Variants in GSG1L observed in about 807,000 individuals in gnomAD.
GSG1L encodes the protein GSG1 like, also known as germ cell-specific gene 1-like protein.
GSG1L carries 24 observed loss-of-function variants against 42.1 expected under a neutral mutation model. That is an observed-to-expected ratio of 0.57 (90% confidence interval 0.41 to 0.80). GSG1L has a LOEUF of 0.80. Among genes scored for constraint, GSG1L ranks in the 30% least tolerant of loss-of-function variants. The pLI is 0.00. For missense variants in GSG1L, 445 were observed against 472.2 expected (o/e 0.94, Z 0.53); for synonymous variants, 215 against 203.5 (o/e 1.06, Z -0.48).
intron 2 of GSG1L, among the ~76,000 whole-genome samples, chr16:27,931,221 T>C (rs1383980050): frequency 6.6e-6 from 1 of 152,202 alleles, no homozygotes; most frequent in Non-Finnish European, 1.5e-5. Context: ...TCAGAGCTGC[T>C]AATGAAGGTT....
intron 5 of GSG1L, among the ~76,000 whole-genome samples, chr16:27,812,042 T>C (rs772511999): frequency 6.6e-6 from 1 of 152,180 alleles, no homozygotes; most frequent in African/African-American, 2.4e-5. Context: ...CCTTGGGAAG[T>C]GGGGCCCTGT....
At chr16:27,999,157 A>G (rs1449963058) in intron 1 of GSG1L, among the ~76,000 whole-genome samples, 1 of 152,178 alleles carries the variant, frequency 6.6e-6, no homozygotes, top group East Asian at 1.9e-4. Flanking sequence ...ATAATCAATG[A>G]TTGGGTCAGG....
intron 1 of GSG1L, among the ~76,000 whole-genome samples, chr16:27,986,397 G>A (rs1216188591): frequency 1.3e-5 from 2 of 151,968 alleles, no homozygotes; most frequent in African/African-American, 2.4e-5. Flanking sequence ...CTACTTGGGA[G>A]GCTGAGGCAG....
chr16:28,008,880 A>C (rs879706273), intron 1 of GSG1L, among the ~76,000 whole-genome samples: 17 of 151,964 alleles, frequency 1.1e-4, no homozygotes, highest in Non-Finnish European at 1.8e-4. Flanking sequence ...GGGATTTCGG[A>C]CCACTGCAAC....
In GSG1L at chr16:28,063,206, G is replaced by T. The variant is rs1434336909; in HGVS notation, c.219C>A (p.Ala73=). The T allele has an allele frequency of 4.8e-6, 6 of 1,259,448 alleles. No individual in the cohort carries two copies. Among genetic ancestry groups the T allele is most frequent in the Non-Finnish European group, 6.0e-6 (6 of 1,006,136 alleles). 78.0% of individuals were successfully genotyped at this position (1,259,448 alleles called of 1,614,324 possible). A position where few individuals can be genotyped will look rare whatever the true frequency, so the allele number is the denominator to read the frequency against. Residue 73 remains alanine, a synonymous_variant, in exon 1 of 7, where the codon GCC becomes GCA. Coordinates refer to ENST00000447459, the MANE Select transcript of GSG1L (RefSeq NM_001109763.2). This position sits in a 1 kb window ranked among gnomAD's most constrained non-coding sequence, Gnocchi z 5.8. The part of the protein sequence containing the change: ...GTAAPAAAAA[A]ATASGNGPPG... ...GGGGGCCGTTCCCCGAGGCGGTGGC[G>T]GCGGCGGCGGCGGCGGCGGGGGCGG...
At chr16:27,948,989 C>T (rs989168587) in intron 2 of GSG1L, among the ~76,000 whole-genome samples, 15 of 151,242 alleles carry the variant, frequency 9.9e-5, no homozygotes, top group Admixed American at 7.2e-4. Flanking sequence ...TCAATCATGG[C>T]TCACTACAGC....
At chr16:27,797,652 C>T (rs916325201) in intron 6 of GSG1L, among the ~76,000 whole-genome samples, 3 of 151,368 alleles carry the variant, frequency 2.0e-5, no homozygotes, top group South Asian at 2.1e-4. Context: ...GAAACCCCAT[C>T]TCTCCTAAAA....
At chr16:27,794,571 T>A (rs1640911409) in intron 6 of GSG1L, among the ~76,000 whole-genome samples, 1 of 152,106 alleles carries the variant, frequency 6.6e-6, no homozygotes, top group African/African-American at 2.4e-5. Context: ...GACCTCGTGA[T>A]CCACCCGCCT....
chr16:28,043,812 A>G (rs1234299913), intron 1 of GSG1L, among the ~76,000 whole-genome samples: 1 of 152,140 alleles, frequency 6.6e-6, no homozygotes, highest in African/African-American at 2.4e-5. Flanking sequence ...GCCTGAGCCC[A>G]GGAGTTCGAG....
intron 1 of GSG1L, among the ~76,000 whole-genome samples, chr16:27,984,662 T>C (rs1410467942): frequency 6.6e-6 from 1 of 152,034 alleles, no homozygotes; most frequent in African/African-American, 2.4e-5. Flanking sequence ...GTTTCTGGCA[T>C]TTTTTTTCAG....
At chr16:27,863,323 T>TGACATG (rs1488378820) in intron 3 of GSG1L, 3 of 152,204 alleles carry the variant, frequency 2.0e-5, no homozygotes, top group Admixed American at 6.5e-5. Flanking sequence ...TATGGAAGGT[T>TGACATG]GACATGCAAA....
chr16:27,979,808 A>AG (rs1241850540), intron 1 of GSG1L, among the ~76,000 whole-genome samples: 4 of 118,498 alleles, frequency 3.4e-5, no homozygotes, highest in African/African-American at 6.6e-5. Context: ...AAAGAAAGAA[A>AG]GAAAGAAAAG....
At chr16:27,912,932 G>A (rs1229431001) in intron 2 of GSG1L, among the ~76,000 whole-genome samples, 1 of 152,080 alleles carries the variant, frequency 6.6e-6, no homozygotes, top group Non-Finnish European at 1.5e-5. Flanking sequence ...GAACAGAAAT[G>A]GATAATGGCT....
intron 2 of GSG1L, among the ~76,000 whole-genome samples, chr16:27,911,068 C>A (rs1305963269): frequency 6.6e-6 from 1 of 152,046 alleles, no homozygotes; most frequent in Non-Finnish European, 1.5e-5. Context: ...CTGCCCTGAG[C>A]CCCAGTCAAG....
intron 5 of GSG1L, among the ~76,000 whole-genome samples, chr16:27,808,204 G>A (rs1299923253): frequency 6.6e-6 from 1 of 152,008 alleles, no homozygotes; most frequent in Non-Finnish European, 1.5e-5. Flanking sequence ...TCCTGCCTTA[G>A]CTTTCCAAGT....
In GSG1L at chr16:28,063,427, C is replaced by A. The variant is rs2086369577; in HGVS notation, c.-3G>T. On this transcript the variant is annotated 5_prime_UTR_variant, in exon 1 of 7. Coordinates refer to ENST00000447459, the MANE Select transcript of GSG1L (RefSeq NM_001109763.2). This position sits in a 1 kb window ranked among gnomAD's most constrained non-coding sequence, Gnocchi z 5.8. ...CGGCCGCGGCGGCTAGTCTTCATGCCGCCCGCGCCGCCGGGACGGGACTGC... is the reference window on the plus strand; with the variant it reads ...CGGCCGCGGCGGCTAGTCTTCATGCAGCCCGCGCCGCCGGGACGGGACTGC... The A allele has an allele frequency of 1.6e-6, 2 of 1,258,500 alleles. No homozygotes were observed. The highest frequency in any genetic ancestry group is 2.0e-6 in the Non-Finnish European group (2 of 997,188). 78.0% of individuals were successfully genotyped at this position (1,258,500 alleles called of 1,614,324 possible).
At chr16:27,856,417 G>A (rs954196665) in intron 3 of GSG1L, among the ~76,000 whole-genome samples, 4 of 152,094 alleles carry the variant, frequency 2.6e-5, no homozygotes, top group African/African-American at 4.8e-5. Flanking sequence ...GGGCTCAAGC[G>A]AGCCCCCCAC....
intron 5 of GSG1L, among the ~76,000 whole-genome samples, chr16:27,812,577 T>G (rs949990869): frequency 2.0e-5 from 3 of 152,096 alleles, no homozygotes; most frequent in Non-Finnish European, 4.4e-5. Context: ...GGTTCTCAGC[T>G]TGGCTGCACA....
chr16:27,911,579 C>T (rs1360080520), intron 2 of GSG1L, among the ~76,000 whole-genome samples: 4 of 152,192 alleles, frequency 2.6e-5, no homozygotes, highest in Non-Finnish European at 5.9e-5. Flanking sequence ...CTCCAGGCAT[C>T]TCCTTGCTGC....
Sources: allele counts gnomAD v4.1 joint callset (sites outside exome capture counted in the v4.1 genomes callset), GRCh38; gene constraint gnomAD v4.1.1; non-coding constraint Gnocchi (gnomAD v3.1); transcripts MANE v1.5; gene names NCBI Gene and HGNC (gene_info 2026-07-23, HGNC 2026-07-21).